Variants in ITGB5 observed in about 807,000 individuals in gnomAD.
The protein encoded by ITGB5 is integrin beta-5.
ITGB5 carries 38 observed loss-of-function variants against 84.8 expected under a neutral mutation model. The observed-to-expected ratio is 0.45, with a 90% CI of 0.35 to 0.59. The LOEUF is 0.59. Ranked by LOEUF, ITGB5 falls within the 20% of genes least tolerant of loss-of-function variation. The probability of loss-of-function intolerance (pLI) is 0.01; values close to 1 mark genes in which losing one functional copy is unlikely to be tolerated. For missense variants in ITGB5, 905 were observed against 1,034.5 expected, an observed-to-expected ratio of 0.87 and a Z score of 1.72; for synonymous variants, 393 against 414.4, an observed-to-expected ratio of 0.95 and a Z score of 0.63.
chr3:124,786,599 A>G (rs1200119218), intron 10 of ITGB5, among the ~76,000 whole-genome samples: 1 of 152,030 alleles, frequency 6.6e-6, no homozygotes, highest in Non-Finnish European at 1.5e-5. Context: ...TGGGTCAGAG[A>G]ACAACAGTCA....
intron 11 of ITGB5, among the ~76,000 whole-genome samples, chr3:124,771,080 C>T (rs2063836085): frequency 6.8e-6 from 1 of 147,124 alleles, no homozygotes; most frequent in Non-Finnish European, 1.5e-5. Flanking sequence ...TCATATGCCC[C>T]ATGTACTGGT....
At chr3:124,856,558 T>G (rs2065224753) in intron 3 of ITGB5, among the ~76,000 whole-genome samples, 1 of 152,208 alleles carries the variant, frequency 6.6e-6, no homozygotes, top group African/African-American at 2.4e-5. Context: ...AATAGCACGA[T>G]TATACATACA....
At chr3:124,814,740 C>G (rs1457010231) in intron 8 of ITGB5, among the ~76,000 whole-genome samples, 2 of 152,206 alleles carry the variant, frequency 1.3e-5, no homozygotes, top group East Asian at 3.9e-4. Context: ...GCCACCACGC[C>G]TGGTCATAAT....
chr3:124,857,775 C>G (rs1421762271), intron 3 of ITGB5, among the ~76,000 whole-genome samples: 1 of 152,070 alleles, frequency 6.6e-6, no homozygotes, highest in Non-Finnish European at 1.5e-5. Context: ...TTACCAAGAC[C>G]TGGGGCTGAA....
chr3:124,887,920 C>CTT (rs747964036), upstream of ITGB5: 5,298 of 195,872 alleles, frequency 0.027, 291 homozygotes, highest in African/African-American at 0.12. Flanking sequence ...TTTTTCTTTT[C>CTT]TTTTTTTTTT....
At position 124,832,471 on chromosome 3, in the gene ITGB5, G is replaced by C. The variant is rs545187050; in HGVS notation, c.780+8912C>G. Among the ~76,000 whole-genome samples, 154 of 152,342 alleles carry C rather than the reference G, an allele frequency of 1.0e-3. 2 individuals are homozygous for C. Among genetic ancestry groups the C allele is most frequent in the African/African-American group, 3.6e-3 (149 of 41,586 alleles). On this transcript the variant is annotated intron_variant, in intron 5 of 14. Coordinates refer to ENST00000296181, the MANE Select transcript of ITGB5 (RefSeq NM_002213.5). ...GAAACCCTGTTAAATGCCTGGTACA[G>C]AGCCTGGCTCTCAAAAGCACTCAGC...
At chr3:124,791,057 T>A (rs533313774) in intron 10 of ITGB5, 24 of 151,928 alleles carry the variant, frequency 1.6e-4, no homozygotes, top group African/African-American at 5.8e-4. Context: ...CACAAGGGAG[T>A]AGCTCAAATC....
intron 1 of ITGB5, among the ~76,000 whole-genome samples, chr3:124,876,877 C>T (rs1482925459): frequency 6.6e-6 from 1 of 152,200 alleles, no homozygotes; most frequent in Non-Finnish European, 1.5e-5. Context: ...GGAAGCTGGA[C>T]CTGCCTGTGT....
At chr3:124,819,013 G>A (rs781718002) in intron 7 of ITGB5, among the ~76,000 whole-genome samples, 3 of 152,186 alleles carry the variant, frequency 2.0e-5, no homozygotes, top group East Asian at 3.8e-4. Flanking sequence ...TGAGCACACC[G>A]AGGAGATCTG....
chr3:124,848,238 T>G, intron 4 of ITGB5, 71 bp downstream of exon 4: 4 of 1,563,074 alleles, frequency 2.6e-6, no homozygotes, highest in Non-Finnish European at 2.6e-6. Flanking sequence ...ATTCTTTCTT[T>G]GAGCTAAATT....
intron 9 of ITGB5, among the ~76,000 whole-genome samples, chr3:124,802,837 A>C (rs1217703377): frequency 3.3e-5 from 5 of 152,274 alleles, no homozygotes; most frequent in African/African-American, 1.2e-4. Context: ...GCCTGTCTTC[A>C]TCCACAGAAA....
chr3:124,888,641 G>C (rs1352975514), upstream of ITGB5, among the ~76,000 whole-genome samples: 2 of 152,214 alleles, frequency 1.3e-5, no homozygotes, highest in Non-Finnish European at 2.9e-5. Flanking sequence ...ATCCAGTTGA[G>C]GAACCGAGGG....
chr3:124,816,223 C>T (rs1298355797), intron 8 of ITGB5, among the ~76,000 whole-genome samples: 1 of 152,198 alleles, frequency 6.6e-6, no homozygotes, highest in Non-Finnish European at 1.5e-5. Context: ...CTGGCTACAC[C>T]CCAAGCCCCA....
At chr3:124,832,009 T>A (rs1359418382) in intron 5 of ITGB5, among the ~76,000 whole-genome samples, 1 of 152,226 alleles carries the variant, frequency 6.6e-6, no homozygotes, top group Non-Finnish European at 1.5e-5. Flanking sequence ...TCCATCAGCA[T>A]GCTAACCTTG....
chr3:124,779,671 C>T (rs1172852789), intron 10 of ITGB5, among the ~76,000 whole-genome samples: 6 of 152,134 alleles, frequency 3.9e-5, no homozygotes, highest in Admixed American at 2.6e-4. Context: ...CAGTGGCTGC[C>T]GTTTCACCCC....
chr3:124,887,067 G>A lies in ITGB5; in HGVS notation c.-67C>T, dbSNP rs1934855668. ...CGCGGGGGCCGGCGGCCGGGGCTGG[G>A]GCCGGAGCGCGGGGGCCGAGGGCCG... On this transcript the variant is annotated 5_prime_UTR_variant, in exon 1 of 15. Transcript: ENST00000296181. 1.4e-6 allele frequency: 1 copy of A among 717,302 alleles called. No homozygotes were observed. The allele number at this position is 717,302 out of a possible 1,614,324, so 44.4% of individuals were successfully genotyped here. A position where few individuals can be genotyped will look rare whatever the true frequency, so the allele number is the denominator to read the frequency against.
At chr3:124,806,930 CT>C (rs2064414703) in intron 9 of ITGB5, among the ~76,000 whole-genome samples, 2 of 152,124 alleles carry the variant, frequency 1.3e-5, no homozygotes, top group East Asian at 1.9e-4. Flanking sequence ...TGAGATGAGG[CT>C]TTCCCCCCGA....
At chr3:124,879,159 T>C (rs985516603) in intron 1 of ITGB5, among the ~76,000 whole-genome samples, 7 of 152,214 alleles carry the variant, frequency 4.6e-5, no homozygotes, top group African/African-American at 1.7e-4. Context: ...CTGCAACCTC[T>C]AGCCCCAACA....
At position 124,796,683 on chromosome 3, in the gene ITGB5, G is replaced by A. The variant is rs777345433; in HGVS notation, c.1398C>T (p.Ser466=). The part of the protein sequence containing the change: ...GVTYNCTCGC[S]VGLEPNSARC... ...TGGCGCTGTTGGGTTCCAGCCCCACGCTGCAGCCGCACGTGCAGTTGTAGG... is the reference window on the plus strand; with the variant it reads ...TGGCGCTGTTGGGTTCCAGCCCCACACTGCAGCCGCACGTGCAGTTGTAGG... The change falls in exon 10 of 15, where the codon AGC becomes AGT. Residue 466 remains serine (S), a synonymous_variant. Transcript: ENST00000296181. The A allele has an allele frequency of 3.1e-6, 5 of 1,614,046 alleles. No homozygotes were observed. The highest frequency in any genetic ancestry group is 2.7e-5 in the African/African-American group (2 of 75,046).
Sources: allele counts gnomAD v4.1 joint callset (sites outside exome capture counted in the v4.1 genomes callset), GRCh38; gene constraint gnomAD v4.1.1; transcripts MANE v1.5; gene names NCBI Gene and HGNC (gene_info 2026-07-23, HGNC 2026-07-21).